Variants in SEMA3D observed in about 807,000 individuals in gnomAD.
SEMA3D encodes semaphorin-3D.
In SEMA3D, 84 loss-of-function variants were observed where a neutral mutation model predicts 100.1. The observed-to-expected ratio is 0.84, with a 90% confidence interval of 0.70 to 1.01. SEMA3D has a LOEUF of 1.01. Among genes scored for constraint, SEMA3D ranks in the 50% least tolerant of loss-of-function variants. The probability of loss-of-function intolerance (pLI) is 0.00; values close to 1 mark genes in which losing one functional copy is unlikely to be tolerated. For synonymous variants in SEMA3D, 312 were observed against 320.7 expected, an observed-to-expected ratio of 0.97 and a Z score of 0.29; for missense variants, 875 against 934.1, an observed-to-expected ratio of 0.94 and a Z score of 0.82.
chr7:85,006,792 A>G lies in SEMA3D; in HGVS notation c.1908+10T>C. The G allele has an allele frequency of 6.3e-7, 1 of 1,576,762 alleles. No homozygotes were observed. Among genetic ancestry groups the G allele is most frequent in the Non-Finnish European group, 8.6e-7 (1 of 1,158,614 alleles). ...CTCAAAGTGAGTATTCTTTGATGAC[A>G]ACAGCTTACCTCCTCTCGATGCTCA... On this transcript the variant is annotated intron_variant, in intron 18 of 18. Transcript: ENST00000284136.
At chr7:85,146,643 G>T (rs1041999257) in intron 2 of SEMA3D, among the ~76,000 whole-genome samples, 2 of 151,640 alleles carry the variant, frequency 1.3e-5, no homozygotes, top group Admixed American at 6.6e-5. Flanking sequence ...TCATATTTTC[G>T]AAAGAAAATA....
chr7:85,107,758 AC>A (rs1328864255), intron 3 of SEMA3D, among the ~76,000 whole-genome samples: 1 of 151,650 alleles, frequency 6.6e-6, no homozygotes, highest in Non-Finnish European at 1.5e-5. Flanking sequence ...AGTCTGTTTA[AC>A]CCCCCTCACA....
At chr7:85,042,459 A>G (rs1472264421) in intron 9 of SEMA3D, among the ~76,000 whole-genome samples, 174 bp from the exon 10 acceptor site, 1 of 152,124 alleles carries the variant, frequency 6.6e-6, no homozygotes, top group Non-Finnish European at 1.5e-5. Context: ...TTAGCCCTCA[A>G]TATTAAATGT....
At chr7:85,239,474 T>C in the SEMA3D span, among the ~76,000 whole-genome samples, 1 of 152,138 alleles carries the variant, frequency 6.6e-6, no homozygotes, top group Admixed American at 6.6e-5. Context: ...TGATGAGAAA[T>C]TCATTTCTGT....
intron 1 of SEMA3D, among the ~76,000 whole-genome samples, chr7:85,177,224 G>C (rs1431842845): frequency 6.6e-6 from 1 of 152,058 alleles, no homozygotes; most frequent in Non-Finnish European, 1.5e-5. Context: ...AATATAATAG[G>C]GAGATAGTAA....
At chr7:85,018,395 T>A in intron 14 of SEMA3D, 102 bp from the exon 15 acceptor site, 1 of 739,492 alleles carries the variant, frequency 1.4e-6, no homozygotes, top group South Asian at 1.6e-5. Context: ...GAAGTAAACA[T>A]CAAGTCTCTG....
intron 2 of SEMA3D, among the ~76,000 whole-genome samples, chr7:85,122,232 C>A (rs1364052073): frequency 5.1e-4 from 73 of 144,006 alleles, no homozygotes; most frequent in African/African-American, 5.5e-4. Flanking sequence ...ACTTAAAGTA[C>A]AAAAAAAAAA....
intron 2 of SEMA3D, among the ~76,000 whole-genome samples, chr7:85,149,151 A>G (rs1375726537): frequency 6.6e-6 from 1 of 152,152 alleles, no homozygotes; most frequent in Admixed American, 6.6e-5. Context: ...TAAAAATACA[A>G]AAGTAACACT....
the SEMA3D span, among the ~76,000 whole-genome samples, chr7:85,218,518 A>G: frequency 6.6e-6 from 1 of 152,082 alleles, no homozygotes; most frequent in Non-Finnish European, 1.5e-5. Flanking sequence ...TGAGATTATA[A>G]TTGACTTTAC....
intron 2 of SEMA3D, among the ~76,000 whole-genome samples, chr7:85,146,688 G>T (rs1790215438): frequency 6.6e-6 from 1 of 151,938 alleles, no homozygotes; most frequent in African/African-American, 2.4e-5. Flanking sequence ...ACAGATAAAA[G>T]AAATGGAGAA....
intron 1 of SEMA3D, among the ~76,000 whole-genome samples, chr7:85,180,101 C>T (rs1353461738): frequency 6.6e-6 from 1 of 152,078 alleles, no homozygotes; most frequent in Non-Finnish European, 1.5e-5. Flanking sequence ...GCTCTGTGTC[C>T]CCACCTAAAT....
chr7:85,015,890 T>C (rs774949136), intron 15 of SEMA3D, among the ~76,000 whole-genome samples: 13 of 151,544 alleles, frequency 8.6e-5, no homozygotes, highest in Non-Finnish European at 1.6e-4. Flanking sequence ...TCTGTGGTAG[T>C]AGCGGTGGAG....
rs1790076972 is a variant in SEMA3D at position 85,142,370 on chromosome 7, T to A, written c.-41+11238A>T. 6.6e-6 allele frequency: 6 copies of A among 911,974 alleles called. No homozygotes were observed. The South Asian group carries it at 3.0e-4, about 46-fold the overall frequency. The allele number at this position is 911,974 out of a possible 1,614,324, so 56.5% of individuals were successfully genotyped here. ...TTATTGCTTTAAAATCAAAATTTATTTCTCTAGACATGAAATTATAACCTT... is the reference window on the plus strand; with the variant it reads ...TTATTGCTTTAAAATCAAAATTTATATCTCTAGACATGAAATTATAACCTT... On this transcript the variant is annotated intron_variant, in intron 2 of 18. Transcript: ENST00000284136.
chr7:85,237,376 T>C, the SEMA3D span, among the ~76,000 whole-genome samples: 2 of 152,210 alleles, frequency 1.3e-5, no homozygotes, highest in African/African-American at 2.4e-5. Context: ...TAATGACTCC[T>C]ATCCACTGCT....
At chr7:85,146,643 G>A (rs1041999257) in intron 2 of SEMA3D, among the ~76,000 whole-genome samples, 2 of 151,640 alleles carry the variant, frequency 1.3e-5, no homozygotes, top group Non-Finnish European at 1.5e-5. Flanking sequence ...TCATATTTTC[G>A]AAAGAAAATA....
chr7:85,056,348 T>G (rs1184467440), intron 8 of SEMA3D, among the ~76,000 whole-genome samples: 1 of 152,092 alleles, frequency 6.6e-6, no homozygotes, highest in Admixed American at 6.5e-5. Flanking sequence ...GTATAGGCTC[T>G]AGATAAACTT....
At chr7:85,027,660 G>A (rs1037674047) in intron 12 of SEMA3D, among the ~76,000 whole-genome samples, 1 of 152,126 alleles carries the variant, frequency 6.6e-6, no homozygotes. Context: ...AACCATGGAA[G>A]ACAGGAAGAA....
At chr7:85,029,215 T>C in intron 12 of SEMA3D, 1 of 712,522 alleles carries the variant, frequency 1.4e-6, no homozygotes, top group East Asian at 2.6e-5. Context: ...GCTCATCAGA[T>C]TGAAGTCACC....
rs1357746669 is a variant in SEMA3D at position 85,121,817 on chromosome 7, T to C, written c.75A>G (p.Leu25=). The change falls in exon 3 of 19, where the codon CTA becomes CTG. Residue 25 remains leucine (L), a synonymous_variant. Transcript: ENST00000284136. ...CTGGAAGAAACAACATGGTCATGCT[T>C]AGCATCATCAAAGCAGGAAAAAGGT... is the stretch of plus-strand genomic sequence containing the variant. ...DFHLFPALMM[L]SMTMLFLPVT... 1.1e-5 allele frequency: 18 copies of C among 1,610,380 alleles called. No individual in the cohort carries two copies. The highest frequency in any genetic ancestry group is 1.5e-5 in the Non-Finnish European group (18 of 1,178,362).
Sources: gnomAD v4.1 joint callset for allele counts (sites outside exome capture counted in the v4.1 genomes callset) on GRCh38, gnomAD v4.1.1 for gene constraint, MANE v1.5 for transcripts, NCBI Gene and HGNC (gene_info 2026-07-23, HGNC 2026-07-21) for gene names.